Variants in SSH2 observed in about 807,000 individuals in gnomAD.
SSH2 encodes protein phosphatase Slingshot homolog 2.
Under a neutral mutation model 135.2 loss-of-function variants are expected in SSH2, and 37 were observed. The ratio of observed to expected loss-of-function variants is 0.27; its 90% CI spans 0.21 to 0.36. SSH2 has a LOEUF of 0.36. Among genes scored for constraint, SSH2 ranks in the 10% least tolerant of loss-of-function variants. SSH2 has a pLI of 1.00. For synonymous variants in SSH2, 628 were observed against 646.2 expected, an observed-to-expected ratio of 0.97 and a Z score of 0.43; for missense variants, 1,408 against 1,765.3, an observed-to-expected ratio of 0.80 and a Z score of 3.63.
rs530576464 is a variant in SSH2 at position 29,626,025 on chromosome 17, G to A, written c.*4816C>T. On this transcript the variant is annotated 3_prime_UTR_variant, in exon 16 of 16. Coordinates refer to ENST00000540801, the MANE Select transcript of SSH2 (RefSeq NM_001282129.2). ...GCACAAGTTCACATTTAAAAACAGT[G>A]GAGCATATCTGTAATAAAAAAATCT... is the stretch of plus-strand genomic sequence containing the variant. The A allele has an allele frequency of 6.5e-6, 1 of 152,690 alleles. No homozygotes were observed. Among genetic ancestry groups the A allele is most frequent in the African/African-American group, 2.4e-5 (1 of 41,548 alleles). The allele number at this position is 152,690 out of a possible 1,614,324, so 9.5% of individuals were successfully genotyped here.
intron 3 of SSH2, among the ~76,000 whole-genome samples, chr17:29,787,189 G>C (rs1209919492): frequency 2.0e-5 from 3 of 152,124 alleles, no homozygotes; most frequent in Non-Finnish European, 4.4e-5. Context: ...GCATGAATTT[G>C]ATTATTCTAG....
intron 1 of SSH2, among the ~76,000 whole-genome samples, chr17:29,902,010 C>A (rs761670952): frequency 6.6e-5 from 10 of 151,898 alleles, no homozygotes; most frequent in Non-Finnish European, 1.0e-4. Flanking sequence ...TGGTCTTGAA[C>A]TCCTGGCCTC....
At chr17:29,877,004 G>T (rs2066045735) in intron 1 of SSH2, among the ~76,000 whole-genome samples, 1 of 151,978 alleles carries the variant, frequency 6.6e-6, no homozygotes, top group Non-Finnish European at 1.5e-5. Flanking sequence ...CACATGAGGA[G>T]CTCCAAACAA....
intron 5 of SSH2, among the ~76,000 whole-genome samples, chr17:29,692,728 G>A (rs1216375895): frequency 6.6e-6 from 1 of 152,094 alleles, no homozygotes; most frequent in Non-Finnish European, 1.5e-5. Context: ...ATATTTATTG[G>A]GCATCCAGTA....
chr17:29,726,828 C>T (rs977366271), intron 3 of SSH2, among the ~76,000 whole-genome samples: 7 of 152,170 alleles, frequency 4.6e-5, no homozygotes, highest in African/African-American at 1.7e-4. Context: ...ATGGCTATTG[C>T]CTTTCATACC....
intron 2 of SSH2, among the ~76,000 whole-genome samples, chr17:29,816,568 G>A (rs553094250): frequency 6.6e-6 from 1 of 152,204 alleles, no homozygotes; most frequent in East Asian, 1.9e-4. Flanking sequence ...TAGGTTAGTA[G>A]ATATGAAGAG....
chr17:29,677,568 G>T, intron 7 of SSH2, 105 bp downstream of exon 7: 1 of 909,158 alleles, frequency 1.1e-6, no homozygotes, highest in Non-Finnish European at 1.8e-6. Context: ...TGACATGAAA[G>T]TTCAGTTGGC....
At chr17:29,809,859 A>G (rs919242576) in intron 2 of SSH2, among the ~76,000 whole-genome samples, 9 of 152,080 alleles carry the variant, frequency 5.9e-5, no homozygotes, top group Non-Finnish European at 8.8e-5. Flanking sequence ...CACCAGCCCT[A>G]CTTATCTTTT....
chr17:29,812,720 C>G (rs2042466860), intron 2 of SSH2, among the ~76,000 whole-genome samples: 1 of 152,014 alleles, frequency 6.6e-6, no homozygotes, highest in South Asian at 2.1e-4. Context: ...GAAACCCCGT[C>G]TCTACTAAAA....
intron 12 of SSH2, among the ~76,000 whole-genome samples, chr17:29,654,495 C>A (rs1398006038): frequency 1.3e-5 from 2 of 152,144 alleles, no homozygotes; most frequent in African/African-American, 4.8e-5. Flanking sequence ...AGGCTTATGG[C>A]TGAGAAAACA....
chr17:29,900,247 A>G (rs532774789), intron 1 of SSH2, among the ~76,000 whole-genome samples: 5 of 152,368 alleles, frequency 3.3e-5, no homozygotes, highest in South Asian at 4.1e-4. Context: ...CTAAAACACC[A>G]AAAGCAATGG....
intron 1 of SSH2, among the ~76,000 whole-genome samples, chr17:29,913,347 A>AAAAAATT: frequency 2.4e-4 from 7 of 28,786 alleles, no homozygotes; most frequent in East Asian, 2.2e-3. Flanking sequence ...AAAAAAAAAA[A>AAAAAATT]ATATATATAT....
At chr17:29,920,968 A>G (rs1171343520) in intron 1 of SSH2, among the ~76,000 whole-genome samples, 2 of 152,188 alleles carry the variant, frequency 1.3e-5, no homozygotes, top group Non-Finnish European at 2.9e-5. Flanking sequence ...TTACACATCA[A>G]TATGAAAAAG....
chr17:29,747,608 G>T (rs1485730181), intron 3 of SSH2, among the ~76,000 whole-genome samples: 1 of 152,170 alleles, frequency 6.6e-6, no homozygotes, highest in Non-Finnish European at 1.5e-5. Flanking sequence ...ACTTAATTAT[G>T]TTAGTTATAC....
intron 2 of SSH2, among the ~76,000 whole-genome samples, chr17:29,828,056 C>T (rs2151356113): frequency 6.6e-6 from 1 of 152,188 alleles, no homozygotes; most frequent in East Asian, 1.9e-4. Context: ...ACAGAAAAGG[C>T]AGCCATGGAG....
rs1265670825 is a variant in SSH2 at position 29,677,750 on chromosome 17, C to CA, written c.480-10dup. 8 of 1,612,016 alleles carry CA rather than the reference C, an allele frequency of 5.0e-6. No homozygotes were observed. Among genetic ancestry groups the CA allele is most frequent in the Non-Finnish European group, 5.9e-6 (7 of 1,178,148 alleles). ...CCATGGTACAAGTGCTACTGCAAGA[C>CA]AAGAAGTAGTCCAATAGTTACTCCC... is the stretch of plus-strand genomic sequence containing the variant. On this transcript the variant is annotated splice_polypyrimidine_tract_variant and intron_variant, in intron 6 of 15. Transcript: ENST00000540801.
intron 3 of SSH2, among the ~76,000 whole-genome samples, chr17:29,707,778 G>T (rs1318834685): frequency 2.0e-5 from 3 of 152,018 alleles, no homozygotes; most frequent in African/African-American, 4.8e-5. Flanking sequence ...CGCCCGCCTT[G>T]GCCTCCCAAA....
chr17:29,856,187 T>A (rs2065659891), intron 1 of SSH2: 1 of 305,402 alleles, frequency 3.3e-6, no homozygotes, highest in Admixed American at 4.4e-5. Flanking sequence ...AATGTATTAA[T>A]CCTTGAAGGA....
chr17:29,870,868 C>T (rs1047146514), intron 1 of SSH2, among the ~76,000 whole-genome samples: 1 of 152,100 alleles, frequency 6.6e-6, no homozygotes, highest in Admixed American at 6.6e-5. Context: ...ACAAAACAAA[C>T]AGGCTTTCTT....
Sources: gnomAD v4.1 joint callset for allele counts (sites outside exome capture counted in the v4.1 genomes callset) on GRCh38, gnomAD v4.1.1 for gene constraint, MANE v1.5 for transcripts, NCBI Gene and HGNC (gene_info 2026-07-23, HGNC 2026-07-21) for gene names.